The following KLHL3 variants were observed in gnomAD, a reference collection of about 807,000 sequenced individuals.
KLHL3 encodes the protein kelch-like protein 3.
A neutral mutation model predicts 70.5 loss-of-function variants in KLHL3; 19 were observed. That is an observed-to-expected ratio of 0.27 (90% CI 0.19 to 0.40). The LOEUF is 0.40. Ranked by LOEUF, KLHL3 falls within the 10% of genes least tolerant of loss-of-function variation. KLHL3 has a pLI of 1.00. For synonymous variants in KLHL3, 258 were observed against 290.3 expected, an observed-to-expected ratio of 0.89 and a Z score of 1.13; for missense variants, 512 against 771.1, an observed-to-expected ratio of 0.66 and a Z score of 3.98.
intron 10 of KLHL3, 151 bp downstream of exon 10, chr5:137,638,802 C>T (rs1750833129): frequency 1.3e-6 from 1 of 742,570 alleles, no homozygotes. Context: ...GCTCTTCACC[C>T]AAAAGCTGGA....
chr5:137,644,027 C>G (rs1206251742), intron 8 of KLHL3, among the ~76,000 whole-genome samples: 1 of 152,078 alleles, frequency 6.6e-6, no homozygotes, highest in Non-Finnish European at 1.5e-5. Context: ...ATAATGTTCT[C>G]CAGGTTCATC....
At chr5:137,648,234 G>A (rs1751104852) in intron 8 of KLHL3, among the ~76,000 whole-genome samples, 1 of 152,186 alleles carries the variant, frequency 6.6e-6, no homozygotes, top group Non-Finnish European at 1.5e-5. Context: ...GAAGGGGGCA[G>A]TGCCCATCCA....
intron 4 of KLHL3, among the ~76,000 whole-genome samples, chr5:137,695,094 C>G (rs951731295): frequency 6.6e-6 from 1 of 152,158 alleles, no homozygotes; most frequent in Non-Finnish European, 1.5e-5. Flanking sequence ...TCCAAGGAGA[C>G]AGCAGCACAG....
chr5:137,624,316 C>A (rs1017526840), intron 14 of KLHL3, among the ~76,000 whole-genome samples: 16 of 152,122 alleles, frequency 1.1e-4, no homozygotes, highest in Admixed American at 9.8e-4. Context: ...AAATATTCAG[C>A]ATATATATGA....
At chr5:137,724,227 A>G (rs1352010054) in intron 1 of KLHL3, among the ~76,000 whole-genome samples, 2 of 152,238 alleles carry the variant, frequency 1.3e-5, no homozygotes. Flanking sequence ...TTTGGTATAG[A>G]TCAGGAAACC....
chr5:137,654,380 A>G (rs1178543318), intron 8 of KLHL3, among the ~76,000 whole-genome samples: 1 of 152,232 alleles, frequency 6.6e-6, no homozygotes, highest in African/African-American at 2.4e-5. Flanking sequence ...ACCGAACCCC[A>G]GCTCTGCACT....
intron 8 of KLHL3, among the ~76,000 whole-genome samples, chr5:137,651,292 G>A (rs1044166410): frequency 6.6e-6 from 1 of 152,200 alleles, no homozygotes; most frequent in African/African-American, 2.4e-5. Flanking sequence ...CCTGCCTGAG[G>A]CATCAGCCTG....
chr5:137,647,313 G>A (rs988420100), intron 8 of KLHL3, among the ~76,000 whole-genome samples: 8 of 152,132 alleles, frequency 5.3e-5, no homozygotes, highest in Non-Finnish European at 5.9e-5. Flanking sequence ...CCTCCTCACC[G>A]AAATCACAAC....
intron 13 of KLHL3, among the ~76,000 whole-genome samples, chr5:137,627,215 G>A (rs7704886): frequency 0.45 from 68,197 of 152,014 alleles, 17,304 homozygotes; most frequent in Non-Finnish European, 0.56. Flanking sequence ...GTAATAAGAC[G>A]TTCATGAGAG....
chr5:137,706,075 T>C, intron 3 of KLHL3: 1 of 985,426 alleles, frequency 1.0e-6, no homozygotes, highest in South Asian at 4.7e-5. Context: ...TCCAAGTTAT[T>C]GTCCACAGGA....
chr5:137,625,941 C>T (rs376188142), intron 13 of KLHL3, 45 bp from the exon 14 acceptor site: 9 of 1,612,486 alleles, frequency 5.6e-6, no homozygotes, highest in African/African-American at 1.3e-5. Context: ...AGCAGGTGCA[C>T]TAAGAGATCA....
intron 6 of KLHL3, among the ~76,000 whole-genome samples, chr5:137,668,157 C>T (rs558868169): frequency 1.2e-4 from 18 of 152,314 alleles, no homozygotes; most frequent in African/African-American, 3.8e-4. Context: ...AATCCCAGTA[C>T]TGTGGGAGGC....
chr5:137,698,520 A>G lies in KLHL3; in HGVS notation c.242-112T>C. On this transcript the variant is annotated intron_variant, in intron 3 of 14. Transcript: ENST00000309755. ...AACATAAAAGCACTTCCTGGGCTCCAGGAGGCAGCAGAAGGGATTCAGGCA... is the reference window on the plus strand; with the variant it reads ...AACATAAAAGCACTTCCTGGGCTCCGGGAGGCAGCAGAAGGGATTCAGGCA... The G allele has an allele frequency of 1.6e-6, 2 of 1,233,996 alleles. 1 individual carries two copies. The highest frequency in any genetic ancestry group is 2.3e-6 in the Non-Finnish European group (2 of 870,096). The allele number at this position is 1,233,996 out of a possible 1,614,324, so 76.4% of individuals were successfully genotyped here. A position where few individuals can be genotyped will look rare whatever the true frequency, so the allele number is the denominator to read the frequency against.
chr5:137,709,638 A>C, intron 3 of KLHL3, 112 bp downstream of exon 3: 1 of 808,434 alleles, frequency 1.2e-6, no homozygotes, highest in Non-Finnish European at 2.1e-6. Context: ...AGCCCCTCAT[A>C]GTGGGCTAAT....
intron 8 of KLHL3, among the ~76,000 whole-genome samples, chr5:137,640,734 C>CCA (rs1561587094): frequency 4.2e-5 from 2 of 47,632 alleles, no homozygotes; most frequent in African/African-American, 1.3e-4. Flanking sequence ...AGGCCAGCCA[C>CCA]CCCCCCCAAC....
At chr5:137,725,656 G>A (rs142466648) in intron 1 of KLHL3, among the ~76,000 whole-genome samples, 17 of 152,322 alleles carry the variant, frequency 1.1e-4, no homozygotes, top group African/African-American at 4.1e-4. Context: ...GATCATCTAA[G>A]CCATTTTCTA....
intron 2 of KLHL3, among the ~76,000 whole-genome samples, chr5:137,715,199 C>T (rs948690336): frequency 1.3e-5 from 2 of 152,182 alleles, no homozygotes; most frequent in Non-Finnish European, 2.9e-5. Flanking sequence ...AACAGCCATT[C>T]TCTACCATGG....
chr5:137,637,783 C>T (rs1198132393), intron 10 of KLHL3, among the ~76,000 whole-genome samples: 1 of 152,236 alleles, frequency 6.6e-6, no homozygotes, highest in African/African-American at 2.4e-5. Flanking sequence ...AAGCTAAACA[C>T]TTGCTTCCCA....
chr5:137,710,864 G>A (rs2149929978), intron 2 of KLHL3, among the ~76,000 whole-genome samples: 1 of 152,298 alleles, frequency 6.6e-6, no homozygotes, highest in South Asian at 2.1e-4. Context: ...TGAAGAAACT[G>A]AGGTCCAGAG....
Sources: allele counts gnomAD v4.1 joint callset (sites outside exome capture counted in the v4.1 genomes callset), GRCh38; gene constraint gnomAD v4.1.1; transcripts MANE v1.5; gene names NCBI Gene and HGNC (gene_info 2026-07-23, HGNC 2026-07-21).